The following ROBO2 variants were observed in gnomAD, a reference collection of about 807,000 sequenced individuals.
The protein encoded by ROBO2 is roundabout homolog 2.
A neutral mutation model predicts 160.8 loss-of-function variants in ROBO2; 53 were observed. The ratio of observed to expected loss-of-function variants is 0.33; its 90% confidence interval spans 0.26 to 0.41. The LOEUF is 0.41. Ranked by LOEUF, ROBO2 falls within the 10% of genes least tolerant of loss-of-function variation. The probability of loss-of-function intolerance (pLI) is 1.00; values close to 1 mark genes in which losing one functional copy is unlikely to be tolerated. For missense variants in ROBO2, 1,577 were observed against 1,722.4 expected, an observed-to-expected ratio of 0.92 and a Z score of 1.49; for synonymous variants, 664 against 611.7, an observed-to-expected ratio of 1.09 and a Z score of -1.26.
At chr3:77,001,270 A>G (rs1018880111) in intron 2 of ROBO2, among the ~76,000 whole-genome samples, 9 of 152,180 alleles carry the variant, frequency 5.9e-5, no homozygotes, top group African/African-American at 1.9e-4. Context: ...TAATGCCAGT[A>G]GTATCAGAGT....
intron 2 of ROBO2, among the ~76,000 whole-genome samples, chr3:77,286,650 G>T (rs982881008): frequency 2.0e-5 from 3 of 152,122 alleles, no homozygotes; most frequent in African/African-American, 7.2e-5. Context: ...ACTTTTGTCA[G>T]TCTGAGAGCG....
intron 2 of ROBO2, among the ~76,000 whole-genome samples, chr3:76,664,394 A>C (rs1170771798): frequency 6.6e-6 from 1 of 152,168 alleles, no homozygotes; most frequent in Non-Finnish European, 1.5e-5. Flanking sequence ...CCTACTTACT[A>C]ACTGAGCTTG....
chr3:77,295,781 G>A (rs1199483045), intron 2 of ROBO2, among the ~76,000 whole-genome samples: 1 of 149,718 alleles, frequency 6.7e-6, no homozygotes, highest in African/African-American at 2.5e-5. Flanking sequence ...AAGTAAAATT[G>A]ATGTTTAAAT....
At chr3:76,789,121 T>C (rs777377023) in intron 2 of ROBO2, among the ~76,000 whole-genome samples, 2 of 151,500 alleles carry the variant, frequency 1.3e-5, no homozygotes, top group African/African-American at 2.4e-5. Flanking sequence ...CATTAGAGCA[T>C]AGCTAGAGTT....
At chr3:76,254,436 CAG>C (rs1490772437) in intron 2 of ROBO2, among the ~76,000 whole-genome samples, 2 of 152,040 alleles carry the variant, frequency 1.3e-5, no homozygotes, top group Non-Finnish European at 2.9e-5. Flanking sequence ...TTGTAAGACA[CAG>C]AATTTTTCCA....
chr3:76,132,600 C>T (rs2071272368), intron 2 of ROBO2, among the ~76,000 whole-genome samples: 1 of 152,086 alleles, frequency 6.6e-6, no homozygotes, highest in Non-Finnish European at 1.5e-5. Context: ...CTGAATACCT[C>T]AGATTCTCTA....
chr3:75,974,456 TA>T lies in ROBO2; in HGVS notation c.109+36855del, dbSNP rs1166315171. Among the ~76,000 whole-genome samples, 6 of 151,740 alleles carry T rather than the reference TA, an allele frequency of 4.0e-5. No homozygotes were observed. In the East Asian group the frequency reaches 9.8e-4, roughly 25 times the overall value. ...GTGCATTTGAACAGTCGAGAGTAGC[TA>T]TACTTCAAATTAGCTATCTTGGGAA... On this transcript the variant is annotated intron_variant, in intron 2 of 26. Transcript: ENST00000487694.
intron 17 of ROBO2, among the ~76,000 whole-genome samples, chr3:77,592,957 C>T (rs917935610): frequency 5.3e-5 from 8 of 152,172 alleles, no homozygotes; most frequent in Non-Finnish European, 1.2e-4. Flanking sequence ...TTAAGGGCCA[C>T]TCAATGTTTG....
At chr3:77,546,289 A>C in intron 6 of ROBO2, 49 bp from the exon 8 acceptor site, 1 of 1,601,948 alleles carries the variant, frequency 6.2e-7, no homozygotes, top group South Asian at 1.1e-5. Flanking sequence ...ACATATTTTT[A>C]TTTGTCTATG....
At chr3:76,407,730 A>G (rs76542127) in intron 2 of ROBO2, among the ~76,000 whole-genome samples, 1 of 152,152 alleles carries the variant, frequency 6.6e-6, no homozygotes, top group East Asian at 1.9e-4. Flanking sequence ...ATACATACAT[A>G]CAAACATAGG....
chr3:76,824,271 A>G (rs1204868024), intron 2 of ROBO2, among the ~76,000 whole-genome samples: 2 of 152,142 alleles, frequency 1.3e-5, no homozygotes, highest in Non-Finnish European at 2.9e-5. Context: ...GCAAGTAGCT[A>G]TAGACCAGCC....
intron 2 of ROBO2, among the ~76,000 whole-genome samples, chr3:77,348,163 C>A (rs1474105391): frequency 6.6e-6 from 1 of 152,014 alleles, no homozygotes; most frequent in Non-Finnish European, 1.5e-5. Context: ...CAGGGAGAGT[C>A]CATACAGTGA....
At chr3:76,431,485 A>G (rs1228817817) in intron 2 of ROBO2, among the ~76,000 whole-genome samples, 1 of 152,184 alleles carries the variant, frequency 6.6e-6, no homozygotes, top group Non-Finnish European at 1.5e-5. Context: ...TGAATGATAT[A>G]GTAAATCTGA....
chr3:77,292,237 T>A (rs7432887), intron 2 of ROBO2, among the ~76,000 whole-genome samples: 1 of 143,826 alleles, frequency 7.0e-6, no homozygotes, highest in African/African-American at 2.6e-5. Flanking sequence ...TCACCCCAGA[T>A]GTAAAGCAAA....
At chr3:77,191,584 C>T (rs1579821196) in intron 2 of ROBO2, among the ~76,000 whole-genome samples, 1 of 99,118 alleles carries the variant, frequency 1.0e-5, no homozygotes, top group South Asian at 3.2e-4. Flanking sequence ...GTTTTTTAAA[C>T]GTGGATATTG....
chr3:77,177,018 T>C (rs2080226994), intron 2 of ROBO2, among the ~76,000 whole-genome samples: 2 of 131,738 alleles, frequency 1.5e-5, no homozygotes, highest in South Asian at 4.7e-4. Context: ...CATTAAGTTT[T>C]TGACTTAAAA....
chr3:76,471,457 G>T (rs2078652058), intron 2 of ROBO2, among the ~76,000 whole-genome samples: 1 of 152,048 alleles, frequency 6.6e-6, no homozygotes, highest in Admixed American at 6.6e-5. Flanking sequence ...ATAACACACT[G>T]CCTTGATTGC....
At chr3:77,628,105 T>C (rs1339669281) in intron 23 of ROBO2, among the ~76,000 whole-genome samples, 4 of 152,138 alleles carry the variant, frequency 2.6e-5, no homozygotes, top group Non-Finnish European at 5.9e-5. Flanking sequence ...GAGATTTTTT[T>C]TTGCCTTTTC....
At chr3:77,149,358 C>G (rs549871783) in intron 2 of ROBO2, among the ~76,000 whole-genome samples, 2 of 152,040 alleles carry the variant, frequency 1.3e-5, no homozygotes, top group South Asian at 4.2e-4. Context: ...AATGGTATCT[C>G]GCAAACATAT....
Sources: gnomAD v4.1 joint callset for allele counts (sites outside exome capture counted in the v4.1 genomes callset) on GRCh38, gnomAD v4.1.1 for gene constraint, MANE v1.5 for transcripts, NCBI Gene and HGNC (gene_info 2026-07-23, HGNC 2026-07-21) for gene names.